Variants in PCDHA13 observed in about 807,000 individuals in gnomAD.
PCDHA13 encodes protocadherin alpha-13.
PCDHA13 carries 54 observed loss-of-function variants against 64.8 expected under a neutral mutation model. The observed-to-expected ratio is 0.83, with a 90% CI of 0.67 to 1.04. The LOEUF is 1.04. PCDHA13 is among the 50% of genes least tolerant of loss of function. PCDHA13 has a pLI of 0.00. For synonymous variants in PCDHA13, 587 were observed against 564.4 expected (o/e 1.04, Z -0.57); for missense variants, 1,248 against 1,254.3 (o/e 0.99, Z 0.08).
chr5:141,009,510 C>T (rs936602953), intron 3 of PCDHA13, 117 bp from the exon 4 acceptor site: 7 of 1,498,300 alleles, frequency 4.7e-6, no homozygotes, highest in Admixed American at 4.7e-5. Flanking sequence ...ACAAACAACT[C>T]GTGATTTTTC....
chr5:140,937,595 C>A (rs940943581), intron 1 of PCDHA13, among the ~76,000 whole-genome samples: 1 of 150,652 alleles, frequency 6.6e-6, no homozygotes, highest in South Asian at 2.1e-4. Flanking sequence ...CTAGCCTGGG[C>A]AACAGAGTGA....
chr5:141,004,531 C>A (rs1051693064), intron 3 of PCDHA13, among the ~76,000 whole-genome samples: 2 of 152,234 alleles, frequency 1.3e-5, no homozygotes, highest in Admixed American at 1.3e-4. Flanking sequence ...ATACACACAG[C>A]CATTAATGTC....
At chr5:140,939,441 T>A (rs1471285631) in intron 1 of PCDHA13, among the ~76,000 whole-genome samples, 1 of 152,274 alleles carries the variant, frequency 6.6e-6, no homozygotes, top group East Asian at 1.9e-4. Flanking sequence ...TTTGAAGAAT[T>A]AAGAGTGAAA....
In PCDHA13 at chr5:140,888,521, C is replaced by T. The variant is rs191011552; in HGVS notation, c.2394+3859C>T. ...TAAAGAGTCTTGGACTTAGTTCTGACGTGAAGTTAAGTTGCTCAGTACCAA... is the reference window on the plus strand; with the variant it reads ...TAAAGAGTCTTGGACTTAGTTCTGATGTGAAGTTAAGTTGCTCAGTACCAA... On this transcript the variant is annotated intron_variant, in intron 1 of 3. Transcript: ENST00000289272. Among the ~76,000 whole-genome samples, 432 of 152,260 alleles carry T rather than the reference C, an allele frequency of 2.8e-3. 2 individuals carry two copies. The highest frequency in any genetic ancestry group is 0.014 in the Middle Eastern group (4 of 292).
chr5:140,964,785 C>T (rs890090665), intron 1 of PCDHA13, among the ~76,000 whole-genome samples: 2 of 151,408 alleles, frequency 1.3e-5, no homozygotes, highest in East Asian at 3.9e-4. Context: ...GAGGAAGAAG[C>T]CAGAGACCCA....
chr5:140,997,668 TTGTGTGTG>T (rs35184029), intron 3 of PCDHA13, among the ~76,000 whole-genome samples: 1 of 148,244 alleles, frequency 6.7e-6, no homozygotes, highest in Non-Finnish European at 1.5e-5. Context: ...ATTATACAGC[TTGTGTGTG>T]TGTGTGTGTG....
chr5:140,923,774 G>T (rs1447078559), intron 1 of PCDHA13, among the ~76,000 whole-genome samples: 1 of 152,202 alleles, frequency 6.6e-6, no homozygotes, highest in Non-Finnish European at 1.5e-5. Flanking sequence ...CTACTGGGTG[G>T]ATGGTTTCTT....
intron 2 of PCDHA13, among the ~76,000 whole-genome samples, chr5:140,981,575 A>G (rs2096938835): frequency 1.3e-5 from 2 of 152,152 alleles, no homozygotes; most frequent in African/African-American, 4.8e-5. Flanking sequence ...CTTTGTCTCA[A>G]AAATAAATAA....
At chr5:140,895,862 A>T (rs1199310977) in intron 1 of PCDHA13, among the ~76,000 whole-genome samples, 1 of 152,136 alleles carries the variant, frequency 6.6e-6, no homozygotes, top group Non-Finnish European at 1.5e-5. Context: ...CCCAGGCTGG[A>T]GTGCAATGGC....
chr5:140,951,546 G>A (rs962043182), intron 1 of PCDHA13, among the ~76,000 whole-genome samples: 9 of 151,942 alleles, frequency 5.9e-5, no homozygotes, highest in Non-Finnish European at 8.8e-5. Context: ...CAAGGGACGG[G>A]GGGAAGTGCT....
intron 2 of PCDHA13, among the ~76,000 whole-genome samples, chr5:140,981,701 C>A (rs546149642): frequency 5.3e-5 from 8 of 152,268 alleles, no homozygotes; most frequent in African/African-American, 1.9e-4. Context: ...TTCATTCATT[C>A]ATTCATTCAT....
At position 140,884,078 on chromosome 5, in the gene PCDHA13, A is replaced by C. The variant is rs2059981897; in HGVS notation, c.1810A>C (p.Asn604His). The change falls in exon 1 of 4, where the codon AAT becomes CAT. Residue 604 changes from asparagine to histidine, a missense_variant. Coordinates refer to ENST00000289272, the MANE Select transcript of PCDHA13 (RefSeq NM_018904.3). ...CGCGGTGGACGCCGATTCGGGCTAC[A>C]ATGCGTGGCTTTCGTATGAATTGCA... ...VRAVDADSGY[N>H]AWLSYELQLA... 5 of 1,613,512 alleles carry C rather than the reference A, an allele frequency of 3.1e-6. No homozygotes were observed. The highest frequency in any genetic ancestry group is 4.2e-6 in the Non-Finnish European group (5 of 1,179,732).
intron 1 of PCDHA13, among the ~76,000 whole-genome samples, chr5:140,891,266 T>G (rs1301781810): frequency 1.3e-5 from 2 of 152,188 alleles, no homozygotes; most frequent in Non-Finnish European, 2.9e-5. Context: ...ATTTTTAATT[T>G]TTCCGTAAGT....
rs1554181152 is a variant in PCDHA13, at chr5:140,884,049, TGC to T, written c.1787_1788del (p.Ala596GlyfsTer14). The T allele has an allele frequency of 6.2e-7, 1 of 1,613,414 alleles. No individual in the cohort carries two copies. On this transcript the variant is annotated frameshift_variant, in exon 1 of 4. Coordinates refer to ENST00000289272, the MANE Select transcript of PCDHA13 (RefSeq NM_018904.3). LOFTEE classifies it high-confidence loss of function. ...GGTGCAGGCCACGTGGTGGCGAAGG[TGC>T]GCGCGGTGGACGCCGATTCGGGCTA...
intron 1 of PCDHA13, among the ~76,000 whole-genome samples, chr5:140,952,282 C>A (rs12187982): frequency 0.12 from 17,942 of 151,036 alleles, 1,209 homozygotes; most frequent in Middle Eastern, 0.19. Context: ...AGGGTGGTGG[C>A]CCTCTTCTCA....
Position 140,883,504 on chromosome 5 carries a change from C to A in PCDHA13, c.1236C>A (p.Ala412=). The A allele has an allele frequency of 6.2e-7, 1 of 1,614,172 alleles. No homozygotes were observed. Among genetic ancestry groups the A allele is most frequent in the Non-Finnish European group, 8.5e-7 (1 of 1,180,044 alleles). The part of the protein sequence containing the change: ...KNYYSLVLDS[A]LDRESVSAYE... ...ACTACTCATTAGTGCTGGACAGCGC[C>A]CTGGACCGCGAGAGCGTATCAGCCT... The change falls in exon 1 of 4, where the codon GCC becomes GCA. Residue 412 remains alanine (A), a synonymous_variant. Coordinates refer to ENST00000289272, the MANE Select transcript of PCDHA13 (RefSeq NM_018904.3).
chr5:140,968,753 C>T (rs782591270), intron 1 of PCDHA13: 8 of 1,614,018 alleles, frequency 5.0e-6, no homozygotes, highest in Non-Finnish European at 6.8e-6. Flanking sequence ...CGTGGTGGTC[C>T]GAGATAATGG....
chr5:140,898,673 G>A (rs1378652105), intron 1 of PCDHA13, among the ~76,000 whole-genome samples: 1 of 152,170 alleles, frequency 6.6e-6, no homozygotes, highest in Non-Finnish European at 1.5e-5. Flanking sequence ...GGTGTTGCGG[G>A]CTGTTTTTTG....
intron 3 of PCDHA13, among the ~76,000 whole-genome samples, chr5:140,984,112 A>G (rs2097087288): frequency 6.6e-6 from 1 of 152,244 alleles, no homozygotes; most frequent in Admixed American, 6.5e-5. Flanking sequence ...GTGGTTTTAG[A>G]CTGCCAAGTG....
Sources: gnomAD v4.1 joint callset for allele counts (sites outside exome capture counted in the v4.1 genomes callset) on GRCh38, gnomAD v4.1.1 for gene constraint, MANE v1.5 for transcripts, NCBI Gene and HGNC (gene_info 2026-07-23, HGNC 2026-07-21) for gene names.